The following RBM34 variants were observed in gnomAD, a reference collection of about 807,000 sequenced individuals.
RBM34 encodes RNA-binding protein 34.
Under a neutral mutation model 44.6 loss-of-function variants are expected in RBM34, and 39 were observed. The ratio of observed to expected loss-of-function variants is 0.87; its 90% CI spans 0.68 to 1.14. The LOEUF (loss-of-function observed/expected upper bound fraction) is 1.14, where lower values mean the gene tolerates loss of function less well. Among genes scored for constraint, RBM34 ranks in the 50% most tolerant of loss-of-function variants. The probability of loss-of-function intolerance (pLI) is 0.00; values close to 1 mark genes in which losing one functional copy is unlikely to be tolerated. For missense variants in RBM34, 572 were observed against 517.9 expected, an observed-to-expected ratio of 1.10 and a Z score of -1.01; for synonymous variants, 194 against 184.0, an observed-to-expected ratio of 1.05 and a Z score of -0.44.
chr1:235,136,640 CTA>C (rs1363936632), intron 8 of RBM34, among the ~76,000 whole-genome samples: 1 of 152,220 alleles, frequency 6.6e-6, no homozygotes, highest in Non-Finnish European at 1.5e-5. Flanking sequence ...GAAATGCACT[CTA>C]TGTTTCTGTG....
intron 4 of RBM34, 110 bp downstream of exon 4, chr1:235,154,771 T>C (rs932960247): frequency 1.5e-5 from 13 of 859,568 alleles, no homozygotes; most frequent in Admixed American, 1.2e-4. Context: ...GGATGATTTA[T>C]GTAATAATTT....
chr1:235,135,661 C>G lies in RBM34; in HGVS notation c.999G>C (p.Val333=). The change falls in exon 10 of 11, where the codon GTG becomes GTC. Residue 333 remains valine, a synonymous_variant. Transcript: ENST00000408888. ...MTGIGKGFGY[V]LFENTDSVHL... ...CATTAGTCTCCCATACCTCAAAGAG[C>G]ACATAGCCAAACCCTTTGCCGATGC... The G allele has an allele frequency of 6.2e-7, 1 of 1,613,410 alleles. No individual in the cohort carries two copies.
chr1:235,131,840 AAAT>A lies in RBM34; in HGVS notation c.1163_1165del (p.Asn388_Phe389delinsIle). ...ATGTCCTTCTGCAGTTTTGGAAGTAAAATTAAGTCCCTGCTTAGGTTTACTGAC... is the reference window on the plus strand; with the variant it reads ...ATGTCCTTCTGCAGTTTTGGAAGTAATAAGTCCCTGCTTAGGTTTACTGAC... On this transcript the variant is annotated inframe_deletion, in exon 11 of 11. Transcript: ENST00000408888. 1 of 1,614,114 alleles carries A rather than the reference AAAT, an allele frequency of 6.2e-7. No homozygotes were observed. Among genetic ancestry groups the A allele is most frequent in the South Asian group, 1.1e-5 (1 of 91,084 alleles).
rs754345151 is a variant in RBM34, at chr1:235,155,085, T to C, written c.393A>G (p.Leu131=). 10 of 1,613,658 alleles carry C rather than the reference T, an allele frequency of 6.2e-6. No individual in the cohort carries two copies. In the East Asian group the frequency reaches 1.3e-4, roughly 22 times the overall value. Residue 131 remains leucine, a synonymous_variant, in exon 4 of 11, where the codon TTA becomes TTG. Transcript: ENST00000408888. ...DRESALASAD[L]EEEIHQKQGQ... Reference sequence around the variant, plus strand: ...CTTGTTTCTGGTGAATTTCTTCTTCTAAATCAGCACTCGCTAGAGCGCTTT... The same window carrying C: ...CTTGTTTCTGGTGAATTTCTTCTTCCAAATCAGCACTCGCTAGAGCGCTTT...
chr1:235,138,191 AAAAG>A lies in RBM34; in HGVS notation c.702-21_702-18del, dbSNP rs775669215. 1.6e-5 allele frequency: 25 copies of A among 1,549,944 alleles called. No individual in the cohort carries two copies. Among genetic ancestry groups the A allele is most frequent in the African/African-American group, 1.5e-4 (11 of 71,580 alleles). On this transcript the variant is annotated intron_variant, in intron 6 of 10. Transcript: ENST00000408888. The stretch of plus-strand genomic sequence containing the variant: ...ATTTTACGTCTACACCAAAAAAAAA[AAAAG>A]AAAGAAAGAAAAGAGAGACAAGGTA...
intron 4 of RBM34, among the ~76,000 whole-genome samples, chr1:235,153,407 G>C (rs1177620616): frequency 6.6e-6 from 1 of 151,056 alleles, no homozygotes; most frequent in Non-Finnish European, 1.5e-5. Context: ...TTTCACATTG[G>C]TTTAAACCAG....
chr1:235,140,511 G>T (rs1335043144), intron 6 of RBM34, among the ~76,000 whole-genome samples: 1 of 152,228 alleles, frequency 6.6e-6, no homozygotes, highest in Non-Finnish European at 1.5e-5. Context: ...TTTCTCACCG[G>T]GCCTTAGCTG....
intron 5 of RBM34, among the ~76,000 whole-genome samples, chr1:235,152,117 C>A (rs532727535): frequency 6.6e-6 from 1 of 151,696 alleles, no homozygotes; most frequent in Non-Finnish European, 1.5e-5. Flanking sequence ...CACTATGGTA[C>A]GTCAACTAAC....
At position 235,155,117 on chromosome 1, in the gene RBM34, T is replaced by C; in HGVS notation, c.366-5A>G. ...GCACTCGCTAGAGCGCTTTCCCTTTTTAAGGCAAAAAATAAAATAAGCAGT... is the reference window on the plus strand; with the variant it reads ...GCACTCGCTAGAGCGCTTTCCCTTTCTAAGGCAAAAAATAAAATAAGCAGT... On this transcript the variant is annotated splice_polypyrimidine_tract_variant and splice_region_variant and intron_variant, in intron 3 of 10. Transcript: ENST00000408888. 1 of 1,608,876 alleles carries C rather than the reference T, an allele frequency of 6.2e-7. No homozygotes were observed. The highest frequency in any genetic ancestry group is 8.5e-7 in the Non-Finnish European group (1 of 1,178,558).
At position 235,138,161 on chromosome 1, in the gene RBM34, GATGA is replaced by G; in HGVS notation, c.711_714del (p.His238LeufsTer22). ...TAGGCATTAATATTTTTCTGATCAG[GATGA>G]ATTTTACGTCTACACCAAAAAAAAA... On this transcript the variant is annotated frameshift_variant, in exon 7 of 11. Transcript: ENST00000408888. LOFTEE classifies it high-confidence loss of function. 1 of 1,593,512 alleles carries G rather than the reference GATGA, an allele frequency of 6.3e-7. No individual in the cohort carries two copies. The highest frequency in any genetic ancestry group is 8.5e-7 in the Non-Finnish European group (1 of 1,172,470).
chr1:235,155,854 T>TATATATATATATAC, intron 3 of RBM34, among the ~76,000 whole-genome samples: 1 of 44,118 alleles, frequency 2.3e-5, no homozygotes, highest in Non-Finnish European at 3.7e-5. Flanking sequence ...TATATATATA[T>TATATATATATATAC]ATATATATAT....
chr1:235,135,608 C>CA (rs750114451), intron 10 of RBM34, 44 bp downstream of exon 10: 1 of 1,480,416 alleles, frequency 6.8e-7, no homozygotes, highest in Non-Finnish European at 9.4e-7. Context: ...CAATGCCTCC[C>CA]AGGGCACTTC....
rs114805965 is a variant in RBM34 at position 235,136,452 on chromosome 1, T to C, written c.850-379A>G. ...TACCTTGAGAACAGCCCTTGGATAA[T>C]ACACAAATGAATGGATGTCGCTGTG... On this transcript the variant is annotated intron_variant, in intron 8 of 10. Coordinates refer to ENST00000408888, the MANE Select transcript of RBM34 (RefSeq NM_015014.4). 5.6e-3 allele frequency among the ~76,000 whole-genome samples: 860 copies of C among 152,254 alleles called. 7 individuals carry two copies. Among genetic ancestry groups the C allele is most frequent in the African/African-American group, 0.02 (815 of 41,544 alleles).
chr1:235,131,445 T>C lies in RBM34; in HGVS notation c.*268A>G. ...AGCGCTTGAACCCAGAAGGCAGAGG[T>C]TGCAGTGAGCCAAGATCACGCCACT... On this transcript the variant is annotated 3_prime_UTR_variant, in exon 11 of 11. Coordinates refer to ENST00000408888, the MANE Select transcript of RBM34 (RefSeq NM_015014.4). 3.5e-6 allele frequency: 1 copy of C among 285,656 alleles called. No homozygotes were observed. Among genetic ancestry groups the C allele is most frequent in the Non-Finnish European group, 6.5e-6 (1 of 154,292 alleles). The allele number at this position is 285,656 out of a possible 1,614,324, so 17.7% of individuals were successfully genotyped here.
chr1:235,161,177 T>C lies in RBM34; in HGVS notation c.50A>G (p.Glu17Gly). 1 of 1,606,742 alleles carries C rather than the reference T, an allele frequency of 6.2e-7. No homozygotes were observed. Among genetic ancestry groups the C allele is most frequent in the Non-Finnish European group, 8.5e-7 (1 of 1,175,288 alleles). Reference sequence around the variant, plus strand: ...ACTCGTGCCGCGCGCCACTCACCCCTCCTGGACACTTCTCTTTCTCTTCCG... The same window carrying C: ...ACTCGTGCCGCGCGCCACTCACCCCCCCTGGACACTTCTCTTTCTCTTCCG... ...SKRKRKRSVQ[E>G]GENPDDGVRG... The change falls in exon 1 of 11, where the codon GAG becomes GGG. Residue 17 changes from glutamate to glycine, a missense_variant. Coordinates refer to ENST00000408888, the MANE Select transcript of RBM34 (RefSeq NM_015014.4).
intron 5 of RBM34, among the ~76,000 whole-genome samples, chr1:235,149,708 C>T (rs551549895): frequency 3.0e-4 from 46 of 152,180 alleles, no homozygotes; most frequent in Non-Finnish European, 4.6e-4. Flanking sequence ...CTACAGCTGT[C>T]GACAACATGC....
At chr1:235,153,848 C>T (rs948490776) in intron 4 of RBM34, among the ~76,000 whole-genome samples, 3 of 152,148 alleles carry the variant, frequency 2.0e-5, no homozygotes, top group African/African-American at 7.2e-5. Flanking sequence ...AAGCAAAGGG[C>T]AGGTTTTGCT....
At chr1:235,155,167 T>C (rs758333215) in intron 3 of RBM34, 55 bp from the exon 4 acceptor site, 2 of 1,427,554 alleles carry the variant, frequency 1.4e-6, no homozygotes, top group South Asian at 2.4e-5. Context: ...TTAGGTCTAG[T>C]ATTTGACAAA....
chr1:235,135,050 T>TA, intron 10 of RBM34, among the ~76,000 whole-genome samples: 1 of 138,198 alleles, frequency 7.2e-6, no homozygotes, highest in Non-Finnish European at 1.6e-5. Context: ...GGCCGGTTTG[T>TA]TTTTTTTTTT....
Sources: allele counts gnomAD v4.1 joint callset (sites outside exome capture counted in the v4.1 genomes callset), GRCh38; gene constraint gnomAD v4.1.1; transcripts MANE v1.5; gene names NCBI Gene and HGNC (gene_info 2026-07-23, HGNC 2026-07-21).